Variants in ST8SIA6 observed in about 807,000 individuals in gnomAD.
ST8SIA6 encodes the protein ST8 alpha-N-acetyl-neuraminide alpha-2,8-sialyltransferase 6.
ST8SIA6 carries 39 observed loss-of-function variants against 33.6 expected under a neutral mutation model. That is an observed-to-expected ratio of 1.16 (90% CI 0.90 to 1.52). ST8SIA6 has a LOEUF of 1.52. Among genes scored for constraint, ST8SIA6 ranks in the 40% most tolerant of loss-of-function variants. The pLI, the probability that ST8SIA6 is intolerant of heterozygous loss-of-function variation, is 0.00. For missense variants in ST8SIA6, 441 were observed against 443.8 expected (o/e 0.99, Z 0.06); for synonymous variants, 172 against 167.2 (o/e 1.03, Z -0.22).
chr10:17,387,827 T>C (rs1367538030), intron 3 of ST8SIA6, among the ~76,000 whole-genome samples: 1 of 152,212 alleles, frequency 6.6e-6, no homozygotes, highest in Admixed American at 6.5e-5. Context: ...TATGATATGA[T>C]AACAACGCCA....
chr10:17,323,503 T>G (rs1848030502), intron 6 of ST8SIA6, among the ~76,000 whole-genome samples: 1 of 151,442 alleles, frequency 6.6e-6, no homozygotes, highest in African/African-American at 2.4e-5. Context: ...CAAGCAATTC[T>G]TCTGCCTCAG....
chr10:17,436,342 G>T (rs1852254139), intron 2 of ST8SIA6, among the ~76,000 whole-genome samples: 1 of 152,132 alleles, frequency 6.6e-6, no homozygotes, highest in Non-Finnish European at 1.5e-5. Context: ...ATGCTAGTGA[G>T]TAAGTCTCAC....
At position 17,356,095 on chromosome 10, in the gene ST8SIA6, T is replaced by C. The variant is rs769941948; in HGVS notation, c.377+3419A>G. ...TAAATATTCATACTTATATTTCTTG[T>C]CTTTCTAAAGTGACTATAAATTCTT... is the stretch of plus-strand genomic sequence containing the variant. On this transcript the variant is annotated intron_variant, in intron 4 of 7. Coordinates refer to ENST00000377602, the MANE Select transcript of ST8SIA6 (RefSeq NM_001004470.3). 2.1e-4 allele frequency among the ~76,000 whole-genome samples: 32 copies of C among 152,246 alleles called. 1 individual carries two copies. The highest frequency in any genetic ancestry group is 4.1e-4 in the Non-Finnish European group (28 of 68,046).
chr10:17,358,764 A>G (rs1218344516), intron 4 of ST8SIA6, among the ~76,000 whole-genome samples: 1 of 151,380 alleles, frequency 6.6e-6, no homozygotes, highest in Admixed American at 6.6e-5. Flanking sequence ...GGAAAGAAGA[A>G]GAGAAAGGAG....
In ST8SIA6 at chr10:17,379,596, T is replaced by C. The variant is rs921845277; in HGVS notation, c.290+10935A>G. 5.9e-5 allele frequency among the ~76,000 whole-genome samples: 9 copies of C among 152,202 alleles called. No homozygotes were observed. In the East Asian group the frequency reaches 7.7e-4, roughly 13 times the overall value. On this transcript the variant is annotated intron_variant, in intron 3 of 7. Coordinates refer to ENST00000377602, the MANE Select transcript of ST8SIA6 (RefSeq NM_001004470.3). ...AAGACTAATCAGAAACTCAAAAGAA[T>C]GCAACCGTTTGTCTCTCACCTATCT...
intron 4 of ST8SIA6, among the ~76,000 whole-genome samples, chr10:17,333,713 A>ATTTTTT (rs1564405114): frequency 5.1e-4 from 13 of 25,688 alleles, no homozygotes; most frequent in African/African-American, 1.3e-3. Context: ...ATATATATAT[A>ATTTTTT]TATATTTTTT....
intron 4 of ST8SIA6, among the ~76,000 whole-genome samples, chr10:17,343,822 G>A (rs1223140208): frequency 1.3e-5 from 2 of 152,252 alleles, no homozygotes; most frequent in Admixed American, 6.5e-5. Context: ...GCTCAGATAG[G>A]AGCATAAAAA....
intron 2 of ST8SIA6, among the ~76,000 whole-genome samples, chr10:17,423,177 A>C (rs1344315267): frequency 1.3e-5 from 2 of 152,254 alleles, no homozygotes; most frequent in African/African-American, 4.8e-5. Flanking sequence ...ACTGCACCAG[A>C]AACAGCAGCT....
intron 3 of ST8SIA6, among the ~76,000 whole-genome samples, chr10:17,378,838 A>T (rs1209348611): frequency 2.6e-5 from 4 of 152,150 alleles, no homozygotes; most frequent in African/African-American, 9.7e-5. Context: ...TAAAGGAGGG[A>T]CTTTTCAGCC....
chr10:17,382,702 T>G (rs922221801), intron 3 of ST8SIA6, among the ~76,000 whole-genome samples: 1 of 152,138 alleles, frequency 6.6e-6, no homozygotes, highest in Non-Finnish European at 1.5e-5. Context: ...CCGTACAAGA[T>G]GCCAATCAAA....
At chr10:17,420,759 A>G (rs1384933853) in intron 2 of ST8SIA6, among the ~76,000 whole-genome samples, 2 of 152,230 alleles carry the variant, frequency 1.3e-5, no homozygotes, top group African/African-American at 4.8e-5. Context: ...TATTGGTGTC[A>G]CACTACTATA....
chr10:17,346,445 T>C (rs1848835615), intron 4 of ST8SIA6, among the ~76,000 whole-genome samples: 1 of 152,160 alleles, frequency 6.6e-6, no homozygotes, highest in South Asian at 2.1e-4. Flanking sequence ...ATTTCAAAAA[T>C]TAGCTGGGCT....
chr10:17,439,469 A>G (rs1264502201), intron 2 of ST8SIA6, among the ~76,000 whole-genome samples: 1 of 152,154 alleles, frequency 6.6e-6, no homozygotes, highest in African/African-American at 2.4e-5. Flanking sequence ...TAGTAGAGGC[A>G]GGGTTTTGCC....
At chr10:17,449,336 A>G (rs1416245273) in intron 2 of ST8SIA6, among the ~76,000 whole-genome samples, 1 of 152,220 alleles carries the variant, frequency 6.6e-6, no homozygotes, top group African/African-American at 2.4e-5. Flanking sequence ...AAGAAAGCCA[A>G]TGAAAAACTT....
chr10:17,390,716 C>A, intron 2 of ST8SIA6, 96 bp from the exon 3 acceptor site: 6 of 936,590 alleles, frequency 6.4e-6, no homozygotes, highest in East Asian at 5.6e-5. Flanking sequence ...AAAGTGTGTC[C>A]AAATGAAGTC....
At chr10:17,446,270 T>A (rs1588935656) in intron 2 of ST8SIA6, among the ~76,000 whole-genome samples, 1 of 152,274 alleles carries the variant, frequency 6.6e-6, no homozygotes, top group East Asian at 1.9e-4. Flanking sequence ...TTCTATAATG[T>A]AGGAGGAGGC....
intron 4 of ST8SIA6, among the ~76,000 whole-genome samples, chr10:17,338,782 C>G (rs1183675490): frequency 6.6e-6 from 1 of 152,208 alleles, no homozygotes; most frequent in Admixed American, 6.5e-5. Context: ...GAGTCTAACT[C>G]TTGCTGCGTT....
chr10:17,439,098 A>G (rs938892511), intron 2 of ST8SIA6, among the ~76,000 whole-genome samples: 5 of 152,202 alleles, frequency 3.3e-5, no homozygotes, highest in Admixed American at 2.6e-4. Context: ...TACAGTTTCT[A>G]CTTAATTTCA....
intron 3 of ST8SIA6, among the ~76,000 whole-genome samples, chr10:17,362,107 T>C (rs7897973): frequency 5.3e-5 from 8 of 151,724 alleles, no homozygotes; most frequent in African/African-American, 1.2e-4. Flanking sequence ...AAAGACATGA[T>C]TGTCCACTTT....
Sources: allele counts gnomAD v4.1 joint callset (sites outside exome capture counted in the v4.1 genomes callset), GRCh38; gene constraint gnomAD v4.1.1; transcripts MANE v1.5; gene names NCBI Gene and HGNC (gene_info 2026-07-23, HGNC 2026-07-21).